LHFPL6: variants seen among roughly 807,000 people sequenced by gnomAD.
LHFPL6 encodes the protein LHFPL tetraspan subfamily member 6 protein.
A neutral mutation model predicts 20.6 loss-of-function variants in LHFPL6; 9 were observed. That is an observed-to-expected ratio of 0.44 (90% confidence interval 0.26 to 0.76). The LOEUF is 0.76. Ranked by LOEUF, LHFPL6 falls within the 30% of genes least tolerant of loss-of-function variation. The probability of loss-of-function intolerance (pLI) is 0.20; values close to 1 mark genes in which losing one functional copy is unlikely to be tolerated. For synonymous variants in LHFPL6, 105 were observed against 98.7 expected, an observed-to-expected ratio of 1.06 and a Z score of -0.38; for missense variants, 218 against 253.5, an observed-to-expected ratio of 0.86 and a Z score of 0.95.
chr13:39,559,977 A>T (rs1871420051), intron 2 of LHFPL6, among the ~76,000 whole-genome samples: 1 of 152,186 alleles, frequency 6.6e-6, no homozygotes, highest in Non-Finnish European at 1.5e-5. Flanking sequence ...CTCTCACAGC[A>T]TTGCTGAATC....
intron 2 of LHFPL6, among the ~76,000 whole-genome samples, chr13:39,521,775 C>CCTTGCTTTGCAGATTACTTTTTGG (rs1373324444): frequency 1.3e-5 from 2 of 151,694 alleles, no homozygotes; most frequent in African/African-American, 4.8e-5. Context: ...TCTGAAAGAT[C>CCTTGCTTTGCAGATTACTTTTTGG]CTTGCTTTGC....
chr13:39,424,782 G>A (rs1871594555), intron 2 of LHFPL6, among the ~76,000 whole-genome samples: 2 of 152,076 alleles, frequency 1.3e-5, no homozygotes, highest in African/African-American at 4.8e-5. Context: ...ATTAGAGAGA[G>A]GGCACTGCAC....
At chr13:39,409,460 AAAAAAAAC>A (rs1212058197) in intron 2 of LHFPL6, among the ~76,000 whole-genome samples, 2 of 151,726 alleles carry the variant, frequency 1.3e-5, no homozygotes, top group African/African-American at 2.4e-5. Flanking sequence ...TCTCAAAAAC[AAAAAAAAC>A]AAAAAAACAA....
At chr13:39,447,010 A>C (rs1872308934) in intron 2 of LHFPL6, among the ~76,000 whole-genome samples, 1 of 152,210 alleles carries the variant, frequency 6.6e-6, no homozygotes, top group African/African-American at 2.4e-5. Flanking sequence ...TTAATTAGCC[A>C]CAGACTATTA....
intron 2 of LHFPL6, among the ~76,000 whole-genome samples, chr13:39,570,520 T>G (rs1871880904): frequency 2.0e-5 from 3 of 151,134 alleles, no homozygotes. Flanking sequence ...AGTAAAATAA[T>G]AGAGTAATAT....
chr13:39,393,077 T>A (rs1870752776), intron 2 of LHFPL6, among the ~76,000 whole-genome samples: 1 of 152,196 alleles, frequency 6.6e-6, no homozygotes, highest in African/African-American at 2.4e-5. Context: ...GTGCATAGGT[T>A]ATATGCAAAT....
At chr13:39,385,513 T>C (rs1870541340) in intron 2 of LHFPL6, among the ~76,000 whole-genome samples, 1 of 152,260 alleles carries the variant, frequency 6.6e-6, no homozygotes, top group Admixed American at 6.5e-5. Context: ...TGAGCTTGGA[T>C]ACACTGGCCG....
At chr13:39,439,002 G>A (rs1872040297) in intron 2 of LHFPL6, among the ~76,000 whole-genome samples, 1 of 152,160 alleles carries the variant, frequency 6.6e-6, no homozygotes, top group South Asian at 2.1e-4. Context: ...ACTGCCTAGT[G>A]GAGCTGTGAA....
chr13:39,395,546 C>G (rs533409052), intron 2 of LHFPL6, among the ~76,000 whole-genome samples: 5 of 152,158 alleles, frequency 3.3e-5, no homozygotes, highest in Non-Finnish European at 7.4e-5. Flanking sequence ...CATTCCTCCC[C>G]GGAGCCTGGG....
At chr13:39,592,078 A>G (rs1872620694) in intron 2 of LHFPL6, among the ~76,000 whole-genome samples, 1 of 152,104 alleles carries the variant, frequency 6.6e-6, no homozygotes, top group South Asian at 2.1e-4. Context: ...CCTGGACGAC[A>G]AAAGCAAAAC....
At chr13:39,598,393 G>C (rs1223314873) in intron 2 of LHFPL6, among the ~76,000 whole-genome samples, 1 of 151,280 alleles carries the variant, frequency 6.6e-6, no homozygotes, top group East Asian at 1.9e-4. Flanking sequence ...TAAATTTACT[G>C]TTATCTTTGG....
intron 2 of LHFPL6, among the ~76,000 whole-genome samples, chr13:39,537,748 A>T (rs780251155): frequency 5.9e-5 from 9 of 152,128 alleles, no homozygotes; most frequent in Non-Finnish European, 1.0e-4. Context: ...AACAAAGCAC[A>T]ATTATCAGGA....
intron 3 of LHFPL6, among the ~76,000 whole-genome samples, chr13:39,374,664 G>T (rs1870243681): frequency 6.6e-6 from 1 of 152,136 alleles, no homozygotes; most frequent in African/African-American, 2.4e-5. Context: ...AGAAGTGTTT[G>T]CCAACCTCTG....
intron 2 of LHFPL6, among the ~76,000 whole-genome samples, chr13:39,550,219 T>C (rs1871109066): frequency 6.6e-6 from 1 of 152,032 alleles, no homozygotes; most frequent in Non-Finnish European, 1.5e-5. Context: ...AAGGGAAAAC[T>C]ATAGGCACAG....
At chr13:39,510,547 G>A (rs917348894) in intron 2 of LHFPL6, among the ~76,000 whole-genome samples, 1 of 152,140 alleles carries the variant, frequency 6.6e-6, no homozygotes, top group Non-Finnish European at 1.5e-5. Flanking sequence ...AGAAACTATA[G>A]TGTTTTACAT....
chr13:39,520,613 G>A (rs766755457), intron 2 of LHFPL6, among the ~76,000 whole-genome samples: 6 of 152,220 alleles, frequency 3.9e-5, no homozygotes, highest in Non-Finnish European at 7.3e-5. Flanking sequence ...TATCAGAACT[G>A]TGGTCAAAGG....
intron 3 of LHFPL6, among the ~76,000 whole-genome samples, chr13:39,358,070 A>G (rs1869774886): frequency 6.6e-6 from 1 of 152,222 alleles, no homozygotes; most frequent in African/African-American, 2.4e-5. Context: ...TGGAACCAAA[A>G]AAGAGCCCGA....
intron 2 of LHFPL6, among the ~76,000 whole-genome samples, chr13:39,599,761 CCA>C (rs1872874526): frequency 6.6e-6 from 1 of 152,132 alleles, no homozygotes; most frequent in African/African-American, 2.4e-5. Flanking sequence ...CTGAAATAAT[CCA>C]TTGGGGTTCT....
intron 2 of LHFPL6, among the ~76,000 whole-genome samples, chr13:39,389,194 T>G (rs1870644278): frequency 6.6e-6 from 1 of 152,150 alleles, no homozygotes; most frequent in Non-Finnish European, 1.5e-5. Flanking sequence ...TTGTTTGTCA[T>G]GCTAATTAAT....
Sources: allele counts gnomAD v4.1 joint callset (sites outside exome capture counted in the v4.1 genomes callset), GRCh38; gene constraint gnomAD v4.1.1; transcripts MANE v1.5; gene names NCBI Gene and HGNC (gene_info 2026-07-23, HGNC 2026-07-21).